COG6: variants seen among roughly 807,000 people sequenced by gnomAD.
COG6 encodes the protein conserved oligomeric Golgi complex subunit 6.
In COG6, 74 loss-of-function variants were observed where a neutral mutation model predicts 88.8. That is an observed-to-expected ratio of 0.83 (90% confidence interval 0.69 to 1.01). COG6 has a LOEUF of 1.01. Among genes scored for constraint, COG6 ranks in the 50% least tolerant of loss-of-function variants. The probability of loss-of-function intolerance (pLI) is 0.00; values close to 1 mark genes in which losing one functional copy is unlikely to be tolerated. For missense variants in COG6, 800 were observed against 797.9 expected (o/e 1.00, Z -0.03); for synonymous variants, 286 against 278.7 (o/e 1.03, Z -0.26).
intron 18 of COG6, among the ~76,000 whole-genome samples, chr13:39,765,381 G>A (rs562289111): frequency 1.4e-3 from 217 of 152,298 alleles, no homozygotes; most frequent in African/African-American, 4.7e-3. Flanking sequence ...TTCTCTCCCA[G>A]ACCCTGGATT....
intron 1 of COG6, chr13:39,656,890 G>C (rs779440216): frequency 2.2e-6 from 1 of 455,608 alleles, no homozygotes; most frequent in African/African-American, 2.0e-5. Context: ...AGAGACTCCA[G>C]GTAAAGTCCT....
chr13:39,781,023 C>A (rs1420765718), intron 18 of COG6, among the ~76,000 whole-genome samples: 1 of 152,170 alleles, frequency 6.6e-6, no homozygotes, highest in Non-Finnish European at 1.5e-5. Flanking sequence ...TGAGTTATAT[C>A]AACGGTTCTG....
At chr13:39,674,391 C>T (rs1477337552) in intron 4 of COG6, among the ~76,000 whole-genome samples, 2 of 151,664 alleles carry the variant, frequency 1.3e-5, no homozygotes, top group African/African-American at 4.9e-5. Flanking sequence ...TGTAGGTGAA[C>T]CTAGAGGTAG....
At chr13:39,754,836 G>C (rs1266761825), downstream of COG6, among the ~76,000 whole-genome samples, 4 of 152,186 alleles carry the variant, frequency 2.6e-5, no homozygotes, top group African/African-American at 9.6e-5. Context: ...ATTTGGTAGA[G>C]TGCTTGTGCA....
chr13:39,774,886 A>G (rs1210407953), intron 18 of COG6, among the ~76,000 whole-genome samples: 1 of 152,156 alleles, frequency 6.6e-6, no homozygotes, highest in Non-Finnish European at 1.5e-5. Flanking sequence ...AAAAAATTTC[A>G]AAGTTTATAT....
At position 39,751,061 on chromosome 13, in the gene COG6, T is replaced by TCGC; in HGVS notation, c.1946_1948dup (p.Pro649dup). The TCGC allele has an allele frequency of 1.2e-6, 2 of 1,613,766 alleles. No individual in the cohort carries two copies. Among genetic ancestry groups the TCGC allele is most frequent in the Non-Finnish European group, 1.7e-6 (2 of 1,179,818 alleles). On this transcript the variant is annotated inframe_insertion, in exon 19 of 19. Coordinates refer to ENST00000455146, the MANE Select transcript of COG6 (RefSeq NM_020751.3). ...AGATCCAGAGAACATTCTTCACCGA[T>TCGC]CGCCGCAGCAAGTGCAGACGCTTCT... is the stretch of plus-strand genomic sequence containing the variant.
intron 17 of COG6, among the ~76,000 whole-genome samples, chr13:39,725,102 C>CT (rs1410519347): frequency 6.6e-6 from 1 of 151,814 alleles, no homozygotes; most frequent in Admixed American, 6.6e-5. Flanking sequence ...AATACATATA[C>CT]TTTCCTCATA....
At chr13:39,726,712 A>G (rs948302932) in intron 17 of COG6, among the ~76,000 whole-genome samples, 1 of 151,968 alleles carries the variant, frequency 6.6e-6, no homozygotes, top group Non-Finnish European at 1.5e-5. Context: ...TTAAATAAGC[A>G]TGCCAGTCCT....
chr13:39,666,551 G>A (rs111813671), intron 4 of COG6, among the ~76,000 whole-genome samples: 3,812 of 152,228 alleles, frequency 0.025, 80 homozygotes, highest in Middle Eastern at 0.058. Flanking sequence ...GCAAGTACAT[G>A]ACCCCCAACT....
chr13:39,725,274 G>A (rs1446498437), intron 17 of COG6, among the ~76,000 whole-genome samples: 1 of 151,546 alleles, frequency 6.6e-6, no homozygotes, highest in Non-Finnish European at 1.5e-5. Context: ...CATAGCAAGT[G>A]TTTTCCCTGT....
Position 39,655,704 on chromosome 13 carries a change from C to T in COG6, c.-23C>T. Reference sequence around the variant, plus strand: ...GGTCCCTGCCTGGCTGAGGTGGCAGCAGGGGGCGGGACGCGCAGCGCTATG... The same window carrying T: ...GGTCCCTGCCTGGCTGAGGTGGCAGTAGGGGGCGGGACGCGCAGCGCTATG... On this transcript the variant is annotated 5_prime_UTR_variant, in exon 1 of 19. Transcript: ENST00000455146. 2 of 1,516,482 alleles carry T rather than the reference C, an allele frequency of 1.3e-6. No individual in the cohort carries two copies. Among genetic ancestry groups the T allele is most frequent in the Non-Finnish European group, 1.8e-6 (2 of 1,125,680 alleles). The allele number at this position is 1,516,482 out of a possible 1,614,324, so 93.9% of individuals were successfully genotyped here.
intron 18 of COG6, among the ~76,000 whole-genome samples, chr13:39,784,893 A>C (rs933024929): frequency 3.9e-5 from 6 of 152,170 alleles, no homozygotes; most frequent in Non-Finnish European, 7.4e-5. Flanking sequence ...TCTGAGGGCT[A>C]ACATGTTCAA....
At chr13:39,755,199 A>G (rs1880793365), downstream of COG6, among the ~76,000 whole-genome samples, 1 of 152,200 alleles carries the variant, frequency 6.6e-6, no homozygotes, top group African/African-American at 2.4e-5. Context: ...GAGAAAAAAA[A>G]GCCAAATGTT....
chr13:39,757,569 A>C (rs376756378), downstream of COG6, among the ~76,000 whole-genome samples: 2 of 151,998 alleles, frequency 1.3e-5, no homozygotes, highest in South Asian at 2.1e-4. Flanking sequence ...CTGACTGAAC[A>C]ATAAAAAAAA....
Position 39,751,835 on chromosome 13 carries a change from A to G in COG6, c.*742A>G, listed in dbSNP as rs900861835. The G allele has an allele frequency of 8.5e-6, 11 of 1,287,038 alleles. No homozygotes were observed. Among genetic ancestry groups the G allele is most frequent in the South Asian group, 6.2e-5 (5 of 80,944 alleles). The allele number at this position is 1,287,038 out of a possible 1,614,324, so 79.7% of individuals were successfully genotyped here. A position where few individuals can be genotyped will look rare whatever the true frequency, so the allele number is the denominator to read the frequency against. On this transcript the variant is annotated 3_prime_UTR_variant, in exon 19 of 19. Coordinates refer to ENST00000455146, the MANE Select transcript of COG6 (RefSeq NM_020751.3). ...CTCAAGGTGGAGCTCAGCCTTTCCA[A>G]TGAGCTCTAAGCATGTAGATAGCCT...
chr13:39,719,097 C>A, intron 13 of COG6, 139 bp from the exon 14 acceptor site: 1 of 768,436 alleles, frequency 1.3e-6, no homozygotes, highest in Non-Finnish European at 2.2e-6. Flanking sequence ...TCAAAGTAAG[C>A]TATTGATAAA....
At chr13:39,714,751 C>T (rs1298387479) in intron 13 of COG6, among the ~76,000 whole-genome samples, 3 of 152,194 alleles carry the variant, frequency 2.0e-5, no homozygotes, top group Non-Finnish European at 4.4e-5. Flanking sequence ...TTCAATCCAG[C>T]AATCCCACTA....
chr13:39,702,858 A>G (rs1398516980), intron 13 of COG6, among the ~76,000 whole-genome samples: 2 of 152,066 alleles, frequency 1.3e-5, no homozygotes, highest in African/African-American at 4.8e-5. Context: ...TCAATATACA[A>G]ATGTAATTAA....
At chr13:39,675,747 C>A (rs1207686899) in intron 4 of COG6, among the ~76,000 whole-genome samples, 2 of 151,972 alleles carry the variant, frequency 1.3e-5, no homozygotes, top group Non-Finnish European at 2.9e-5. Context: ...TAAATTGATT[C>A]TAAAGATAGA....
Sources: gnomAD v4.1 joint callset for allele counts (sites outside exome capture counted in the v4.1 genomes callset) on GRCh38, gnomAD v4.1.1 for gene constraint, MANE v1.5 for transcripts, NCBI Gene and HGNC (gene_info 2026-07-23, HGNC 2026-07-21) for gene names.